The following ADCY8 variants were observed in gnomAD, a reference collection of about 807,000 sequenced individuals.
ADCY8 encodes the protein adenylate cyclase type 8.
In ADCY8, 51 loss-of-function variants were observed where a neutral mutation model predicts 119.7. That is an observed-to-expected ratio of 0.43 (90% CI 0.34 to 0.54). The LOEUF (loss-of-function observed/expected upper bound fraction) is 0.54, where lower values mean the gene tolerates loss of function less well. Ranked by LOEUF, ADCY8 falls within the 20% of genes least tolerant of loss-of-function variation. The pLI, the probability that ADCY8 is intolerant of heterozygous loss-of-function variation, is 0.03. For synonymous variants in ADCY8, 665 were observed against 651.0 expected, an observed-to-expected ratio of 1.02 and a Z score of -0.33; for missense variants, 1,383 against 1,598.8, an observed-to-expected ratio of 0.87 and a Z score of 2.30.
intron 1 of ADCY8, among the ~76,000 whole-genome samples, chr8:131,021,112 C>CATGAGTAT (rs1823651982): frequency 6.6e-6 from 1 of 152,078 alleles, no homozygotes; most frequent in South Asian, 2.1e-4. Flanking sequence ...GATGATACAG[C>CATGAGTAT]ATGAGTATAT....
intron 3 of ADCY8, among the ~76,000 whole-genome samples, chr8:130,946,334 T>C (rs1432572686): frequency 6.6e-6 from 1 of 152,180 alleles, no homozygotes; most frequent in Non-Finnish European, 1.5e-5. Flanking sequence ...TCTTCAGTGT[T>C]CCAATATCAT....
chr8:130,840,341 A>T (rs995704754), intron 11 of ADCY8, among the ~76,000 whole-genome samples: 4 of 138,348 alleles, frequency 2.9e-5, no homozygotes, highest in African/African-American at 9.8e-5. Flanking sequence ...AAGACAGAAG[A>T]TACAGAGACT....
chr8:130,796,759 C>T (rs1277940549), intron 15 of ADCY8, among the ~76,000 whole-genome samples: 1 of 142,698 alleles, frequency 7.0e-6, no homozygotes, highest in African/African-American at 2.6e-5. Flanking sequence ...CCTTTCTCTT[C>T]CACCTCCTCC....
rs574355981 is a variant in ADCY8 at position 130,990,492 on chromosome 8, G to A, written c.1011C>T (p.Phe337=). The A allele has an allele frequency of 1.1e-5, 17 of 1,614,190 alleles. No individual in the cohort carries two copies. Among genetic ancestry groups the A allele is most frequent in the African/African-American group, 1.3e-5 (1 of 75,058 alleles). The change falls in exon 2 of 18, where the codon TTC becomes TTT. Residue 337 remains phenylalanine, a synonymous_variant. Transcript: ENST00000286355. ...GGGCCCGGTCTGACAGGTAACTGAT[G>A]AAGATTCCAGCTGTGTTCATACACA... ...LFMCMNTAGI[F]ISYLSDRAQR...
At chr8:130,891,678 T>A (rs1819193142) in intron 7 of ADCY8, among the ~76,000 whole-genome samples, 1 of 152,080 alleles carries the variant, frequency 6.6e-6, no homozygotes, top group Admixed American at 6.6e-5. Context: ...AATCTGGGAA[T>A]GGGGAGATAT....
intron 14 of ADCY8, among the ~76,000 whole-genome samples, chr8:130,812,987 G>A (rs571016754): frequency 1.3e-4 from 18 of 143,466 alleles, no homozygotes; most frequent in African/African-American, 3.4e-4. Context: ...TCAGTCTGTC[G>A]CCCAGGCTGG....
chr8:130,821,238 C>G (rs1481065041), intron 13 of ADCY8, 104 bp downstream of exon 13: 6 of 881,674 alleles, frequency 6.8e-6, no homozygotes, highest in Non-Finnish European at 1.1e-5. Context: ...CACAACTTGC[C>G]ACAGGCAGCT....
chr8:130,983,608 G>A (rs1054431501), intron 2 of ADCY8, among the ~76,000 whole-genome samples: 1 of 152,156 alleles, frequency 6.6e-6, no homozygotes. Context: ...GGAATGTCAC[G>A]CTGGGGACAG....
intron 4 of ADCY8, among the ~76,000 whole-genome samples, chr8:130,938,832 A>AT (rs1308248829): frequency 6.6e-6 from 1 of 152,144 alleles, no homozygotes; most frequent in Non-Finnish European, 1.5e-5. Flanking sequence ...TCCCAGGATT[A>AT]TTTTTAGGGG....
At chr8:130,792,103 T>C (rs957411711) in intron 15 of ADCY8, among the ~76,000 whole-genome samples, 1 of 152,240 alleles carries the variant, frequency 6.6e-6, no homozygotes, top group Non-Finnish European at 1.5e-5. Context: ...CCATGTCCCA[T>C]GCTGCTGGCT....
intron 14 of ADCY8, among the ~76,000 whole-genome samples, chr8:130,812,988 C>T (rs1354327196): frequency 1.3e-5 from 2 of 150,084 alleles, no homozygotes; most frequent in African/African-American, 2.5e-5. Context: ...CAGTCTGTCG[C>T]CCAGGCTGGA....
chr8:130,882,230 T>C (rs1346505326), intron 8 of ADCY8, among the ~76,000 whole-genome samples: 1 of 151,730 alleles, frequency 6.6e-6, no homozygotes, highest in East Asian at 1.9e-4. Flanking sequence ...AGATCTAAGA[T>C]CTCCACTTAA....
At chr8:130,879,390 A>C (rs1303392788) in intron 8 of ADCY8, among the ~76,000 whole-genome samples, 1 of 152,230 alleles carries the variant, frequency 6.6e-6, no homozygotes, top group Non-Finnish European at 1.5e-5. Flanking sequence ...CAAAAGGAGA[A>C]TTATAAAGGC....
chr8:131,029,374 T>C (rs1376340999), intron 1 of ADCY8, among the ~76,000 whole-genome samples: 2 of 152,162 alleles, frequency 1.3e-5, no homozygotes, highest in Non-Finnish European at 2.9e-5. Flanking sequence ...CCCCCACCCA[T>C]GTCTGTGGAA....
chr8:130,785,758 C>G (rs1339410208), intron 15 of ADCY8, among the ~76,000 whole-genome samples: 3 of 152,212 alleles, frequency 2.0e-5, no homozygotes, highest in Non-Finnish European at 4.4e-5. Context: ...TGTGCCAAAC[C>G]TCCTATGGCT....
chr8:130,909,036 TCCA>T (rs71304397), intron 6 of ADCY8, among the ~76,000 whole-genome samples: 33,060 of 101,290 alleles, frequency 0.33, 4,191 homozygotes, highest in East Asian at 0.43. Context: ...CATCCATCCA[TCCA>T]CCATCCATCC....
intron 14 of ADCY8, among the ~76,000 whole-genome samples, 199 bp downstream of exon 14, chr8:130,813,870 G>C (rs1816252569): frequency 6.6e-6 from 1 of 152,064 alleles, no homozygotes; most frequent in South Asian, 2.1e-4. Flanking sequence ...TTTCAATGGA[G>C]ACCTTATTAT....
At chr8:130,888,539 G>A (rs186556385) in intron 7 of ADCY8, among the ~76,000 whole-genome samples, 75 of 152,116 alleles carry the variant, frequency 4.9e-4, no homozygotes, top group Middle Eastern at 3.4e-3. Context: ...ATGGAGATTC[G>A]TGCTCTCCTC....
intron 2 of ADCY8, among the ~76,000 whole-genome samples, chr8:130,983,795 A>G (rs1822311947): frequency 6.6e-6 from 1 of 152,196 alleles, no homozygotes; most frequent in African/African-American, 2.4e-5. Flanking sequence ...TGAGTTAGTC[A>G]TACACCTCCC....
Sources: gnomAD v4.1 joint callset for allele counts (sites outside exome capture counted in the v4.1 genomes callset) on GRCh38, gnomAD v4.1.1 for gene constraint, MANE v1.5 for transcripts, NCBI Gene and HGNC (gene_info 2026-07-23, HGNC 2026-07-21) for gene names.